AP1B1: variants seen among roughly 807,000 people sequenced by gnomAD.
The protein encoded by AP1B1 is AP-1 complex subunit beta-1.
A neutral mutation model predicts 104.3 loss-of-function variants in AP1B1; 36 were observed. The ratio of observed to expected loss-of-function variants is 0.35; its 90% confidence interval spans 0.26 to 0.46. The LOEUF is 0.46. AP1B1 is among the 20% of genes least tolerant of loss of function. The probability of loss-of-function intolerance (pLI) is 1.00; values close to 1 mark genes in which losing one functional copy is unlikely to be tolerated. For synonymous variants in AP1B1, 504 were observed against 517.5 expected (o/e 0.97, Z 0.35); for missense variants, 901 against 1,247.9 (o/e 0.72, Z 4.19).
intron 1 of AP1B1, among the ~76,000 whole-genome samples, chr22:29,375,166 T>G (rs561821797): frequency 1.3e-5 from 2 of 151,510 alleles, no homozygotes; most frequent in Non-Finnish European, 2.9e-5. Context: ...CTGGCCAACA[T>G]AGTGAAACCC....
intron 9 of AP1B1, 25 bp downstream of exon 9, chr22:29,351,146 C>T (rs779133451): frequency 1.1e-5 from 17 of 1,593,056 alleles, no homozygotes; most frequent in Non-Finnish European, 1.5e-5. Context: ...CTTCTCCAGC[C>T]AAGGACAGAG....
At chr22:29,357,586 G>T (rs894072927) in intron 5 of AP1B1, among the ~76,000 whole-genome samples, 17 of 150,512 alleles carry the variant, frequency 1.1e-4, no homozygotes, top group Non-Finnish European at 2.4e-4. Context: ...GGCTGGTCTT[G>T]AATTCCTGAC....
Position 29,330,630 on chromosome 22 carries a change from G to A in AP1B1, c.2604C>T (p.Leu868=). The A allele has an allele frequency of 1.2e-6, 2 of 1,613,924 alleles. No homozygotes were observed. The highest frequency in any genetic ancestry group is 1.7e-6 in the Non-Finnish European group (2 of 1,179,988). The part of the protein sequence containing the change: ...EAQFQIRDCP[L]NAEAASSKLQ... ...GGGGCTCGGAGTCCTCACCTGCATTGAGGGGGCAGTCTCTGATCTGGAACT... is the reference window on the plus strand; with the variant it reads ...GGGGCTCGGAGTCCTCACCTGCATTAAGGGGGCAGTCTCTGATCTGGAACT... The change falls in exon 20 of 23, where the codon CTC becomes CTT. Residue 868 remains leucine (L), a synonymous_variant. Coordinates refer to ENST00000357586, the MANE Select transcript of AP1B1 (RefSeq NM_001127.4).
intron 1 of AP1B1, among the ~76,000 whole-genome samples, chr22:29,381,722 G>A (rs564787538): frequency 3.3e-5 from 5 of 152,148 alleles, no homozygotes; most frequent in Non-Finnish European, 7.4e-5. Context: ...TGGGAGAAAC[G>A]TTCAGTGAGG....
chr22:29,349,489 C>CA, intron 10 of AP1B1, 106 bp from the exon 11 acceptor site: 1 of 1,202,116 alleles, frequency 8.3e-7, no homozygotes, highest in Non-Finnish European at 1.2e-6. Context: ...CCTAAGACCC[C>CA]AAGGTGGCAG....
At chr22:29,343,732 C>T (rs1316428526) in intron 11 of AP1B1, among the ~76,000 whole-genome samples, 1 of 152,230 alleles carries the variant, frequency 6.6e-6, no homozygotes, top group African/African-American at 2.4e-5. Context: ...CTCGGCAAGT[C>T]ATTTAGCTTC....
chr22:29,380,912 G>T (rs1351615189), intron 1 of AP1B1, among the ~76,000 whole-genome samples: 5 of 152,118 alleles, frequency 3.3e-5, no homozygotes, highest in Non-Finnish European at 7.3e-5. Context: ...TCCCTACCAT[G>T]GCCTCATAGC....
intron 17 of AP1B1, 29 bp from the exon 18 acceptor site, chr22:29,331,945 G>T (rs770596350): frequency 9.4e-6 from 15 of 1,590,656 alleles, no homozygotes; most frequent in Non-Finnish European, 1.3e-5. Context: ...CACAGGGATG[G>T]CAGGGGGAGT....
chr22:29,369,196 A>C (rs1012433005), intron 1 of AP1B1, among the ~76,000 whole-genome samples: 4 of 152,164 alleles, frequency 2.6e-5, no homozygotes, highest in Non-Finnish European at 4.4e-5. Flanking sequence ...GAGTCATTTC[A>C]CAGCCTCTGG....
At chr22:29,338,524 A>T (rs1055608582) in intron 16 of AP1B1, among the ~76,000 whole-genome samples, 1 of 152,218 alleles carries the variant, frequency 6.6e-6, no homozygotes, top group African/African-American at 2.4e-5. Flanking sequence ...CCATGCAGTG[A>T]AAGCATCTGA....
At chr22:29,335,241 C>CA (rs2147941686) in intron 16 of AP1B1, among the ~76,000 whole-genome samples, 1 of 152,312 alleles carries the variant, frequency 6.6e-6, no homozygotes, top group African/African-American at 2.4e-5. Context: ...CCTGTGGGCT[C>CA]ACAAACGCCT....
chr22:29,378,834 G>A (rs2062390504), intron 1 of AP1B1, among the ~76,000 whole-genome samples: 1 of 143,716 alleles, frequency 7.0e-6, no homozygotes, highest in Non-Finnish European at 1.5e-5. Context: ...ACTCCAGCCT[G>A]GGCAACAGAG....
chr22:29,354,896 G>A, intron 6 of AP1B1, 25 bp from the exon 7 acceptor site: 4 of 1,593,732 alleles, frequency 2.5e-6, no homozygotes, highest in Non-Finnish European at 2.6e-6. Context: ...TTCCAACGGG[G>A]CAAACAGGAA....
Position 29,329,714 on chromosome 22 carries a change from C to CT in AP1B1, c.2772dup (p.Glu925ArgfsTer70). 1.9e-6 allele frequency: 3 copies of CT among 1,613,692 alleles called. No individual in the cohort carries two copies. The highest frequency in any genetic ancestry group is 2.5e-6 in the Non-Finnish European group (3 of 1,179,766). ...GAAAGAGAAAGCGATCTGCTAACCTCTAAGTCCTGCACCACGGGAACCAGC... is the reference window on the plus strand; with the variant it reads ...GAAAGAGAAAGCGATCTGCTAACCTCTTAAGTCCTGCACCACGGGAACCAGC... On this transcript the variant is annotated frameshift_variant, in exon 22 of 23. Transcript: ENST00000357586. LOFTEE classifies it high-confidence loss of function.
At position 29,340,736 on chromosome 22, in the gene AP1B1, G is replaced by C; in HGVS notation, c.1918C>G (p.Pro640Ala). 6.3e-7 allele frequency: 1 copy of C among 1,595,450 alleles called. No homozygotes were observed. Among genetic ancestry groups the C allele is most frequent in the Non-Finnish European group, 8.5e-7 (1 of 1,172,000 alleles). The change falls in exon 14 of 23, where the codon CCA becomes GCA. Residue 640 changes from proline (P) to alanine (A), a missense_variant. Pro to Ala is a conservative substitution (Grantham distance 27). Coordinates refer to ENST00000357586, the MANE Select transcript of AP1B1 (RefSeq NM_001127.4). ...GTGGCCAGGGGTGGGCCGCTCACTG[G>C]GGGGCCGAGGTCCAGGTTGAGGAGG... ...GDLLNLDLGP[P>A]VSGPPLATSS...
chr22:29,354,539 A>G, intron 7 of AP1B1, 111 bp downstream of exon 7: 1 of 1,035,860 alleles, frequency 9.7e-7, no homozygotes, highest in Non-Finnish European at 1.5e-6. Context: ...GGGTTAAGCT[A>G]TTTGAGACTT....
At chr22:29,344,173 C>G (rs140616539) in intron 11 of AP1B1, among the ~76,000 whole-genome samples, 1 of 151,948 alleles carries the variant, frequency 6.6e-6, no homozygotes, top group Non-Finnish European at 1.5e-5. Flanking sequence ...CAGCTATCAT[C>G]ATCACAGTCA....
At chr22:29,346,634 G>C (rs866516969) in intron 11 of AP1B1, among the ~76,000 whole-genome samples, 1 of 152,206 alleles carries the variant, frequency 6.6e-6, no homozygotes, top group Non-Finnish European at 1.5e-5. Flanking sequence ...AGGCCATGGT[G>C]GCCCGGGGGT....
At chr22:29,344,061 G>A (rs1289344431) in intron 11 of AP1B1, among the ~76,000 whole-genome samples, 13 of 150,156 alleles carry the variant, frequency 8.7e-5, no homozygotes. Context: ...AGTGAGCCGA[G>A]GTCTCGCCAT....
Sources: allele counts gnomAD v4.1 joint callset (sites outside exome capture counted in the v4.1 genomes callset), GRCh38; gene constraint gnomAD v4.1.1; transcripts MANE v1.5; gene names NCBI Gene and HGNC (gene_info 2026-07-23, HGNC 2026-07-21).